Variants in COQ6 observed in about 807,000 individuals in gnomAD.
COQ6 encodes the protein ubiquinone biosynthesis monooxygenase COQ6, mitochondrial.
In COQ6, 45 loss-of-function variants were observed where a neutral mutation model predicts 55.5. The ratio of observed to expected loss-of-function variants is 0.81; its 90% CI spans 0.64 to 1.04. COQ6 has a LOEUF of 1.04. Ranked by LOEUF, COQ6 falls within the 50% of genes least tolerant of loss-of-function variation. COQ6 has a pLI of 0.00. For missense variants in COQ6, 550 were observed against 601.3 expected (o/e 0.91, Z 0.89); for synonymous variants, 206 against 230.5 (o/e 0.89, Z 0.96).
intron 7 of COQ6, 63 bp from the exon 8 acceptor site, chr14:73,959,352 T>A (rs1326545498): frequency 1.2e-6 from 2 of 1,614,190 alleles, no homozygotes; most frequent in East Asian, 2.2e-5. Context: ...TGTCTTTTTA[T>A]GCTTGAGAGT....
intron 11 of COQ6, 39 bp from the exon 12 acceptor site, chr14:73,962,931 C>CTG (rs778303612): frequency 6.6e-7 from 1 of 1,514,136 alleles, no homozygotes; most frequent in Middle Eastern, 1.7e-4. Context: ...CTTCACCTTA[C>CTG]TGTGTTAAGA....
intron 11 of COQ6, chr14:73,962,561 G>GA (rs141459361): frequency 0.4 from 68,671 of 173,074 alleles, 13,369 homozygotes; most frequent in Non-Finnish European, 0.46. Flanking sequence ...CCAGTCTCTT[G>GA]AAAAAAAAAA....
Position 73,953,750 on chromosome 14 carries a change from A to T in COQ6, c.298+181A>T. The stretch of plus-strand genomic sequence containing the variant: ...GAAGATGTGGACCCCTGCAGTTGCT[A>T]CTGCCTCAACTCCCTGTCTGAGGAA... On this transcript the variant is annotated intron_variant, in intron 2 of 11. Coordinates refer to ENST00000334571, the MANE Select transcript of COQ6 (RefSeq NM_182476.3). 6 of 722,170 alleles carry T rather than the reference A, an allele frequency of 8.3e-6. No homozygotes were observed. In the South Asian group the frequency reaches 9.5e-5, roughly 11 times the overall value. 44.7% of individuals were successfully genotyped at this position (722,170 alleles called of 1,614,324 possible).
intron 6 of COQ6, 29 bp from the exon 7 acceptor site, chr14:73,959,133 C>A: frequency 6.2e-7 from 1 of 1,614,216 alleles, no homozygotes; most frequent in Non-Finnish European, 8.5e-7. Flanking sequence ...AGGTACTTCA[C>A]AGAGAAACTT....
chr14:73,959,581 GTT>G (rs759810630), intron 8 of COQ6, 59 bp downstream of exon 8: 28 of 1,403,682 alleles, frequency 2.0e-5, no homozygotes, highest in Admixed American at 9.4e-5. Context: ...GAAAGGTGTT[GTT>G]TTTTTTTTTT....
At chr14:73,961,965 G>GA in intron 11 of COQ6, 62 bp downstream of exon 11, 4 of 1,580,580 alleles carry the variant, frequency 2.5e-6, no homozygotes, top group Non-Finnish European at 3.5e-6. Flanking sequence ...GCTTTTTTTT[G>GA]AAACAGAGTC....
At chr14:73,955,588 C>T in intron 3 of COQ6, 79 bp downstream of exon 3, 1 of 1,431,408 alleles carries the variant, frequency 7.0e-7, no homozygotes, top group Non-Finnish European at 9.9e-7. Context: ...TCCAAGTGTT[C>T]TGTGAATGTA....
chr14:73,951,265 G>A (rs2056179230), intron 1 of COQ6, among the ~76,000 whole-genome samples: 1 of 152,102 alleles, frequency 6.6e-6, no homozygotes, highest in Admixed American at 6.5e-5. Context: ...CAAAGTGCTG[G>A]GATTACCGGC....
At chr14:73,959,916 C>T in intron 8 of COQ6, 1 of 1,175,406 alleles carries the variant, frequency 8.5e-7, no homozygotes, top group South Asian at 1.9e-5. Flanking sequence ...AGTCAGCTGT[C>T]CCTTTCTACT....
At chr14:73,959,658 C>T in intron 8 of COQ6, 136 bp downstream of exon 8, 1 of 1,489,858 alleles carries the variant, frequency 6.7e-7, no homozygotes, top group Non-Finnish European at 9.1e-7. Flanking sequence ...CAATCTCCGC[C>T]TCCCGGGTTC....
chr14:73,958,814 G>A (rs1247724087), intron 5 of COQ6, 157 bp from the exon 6 acceptor site: 2 of 1,526,642 alleles, frequency 1.3e-6, no homozygotes, highest in Non-Finnish European at 1.8e-6. Context: ...GACAGTGCAG[G>A]GGCTCCACCT....
At chr14:73,960,589 A>G in intron 8 of COQ6, 2 of 1,037,054 alleles carry the variant, frequency 1.9e-6, no homozygotes, top group Non-Finnish European at 2.3e-6. Flanking sequence ...TCTGCAGTGC[A>G]GTCATTCACC....
In COQ6 at chr14:73,958,990, A is replaced by G. The variant is rs1319178278; in HGVS notation, c.632A>G (p.Asn211Ser). Residue 211 changes from asparagine to serine, a missense_variant, in exon 6 of 12, where the codon AAC becomes AGC. Coordinates refer to ENST00000334571, the MANE Select transcript of COQ6 (RefSeq NM_182476.3). ...TKLLIGADGHNSGVRQAVGIQ... is the reference protein window; with the variant it reads ...TKLLIGADGHSSGVRQAVGIQ... ...ATGCAGATAGGTGCAGATGGTCACA[A>G]CTCCGGAGTACGGCAGGCTGTTGGA... is the stretch of plus-strand genomic sequence containing the variant. The G allele has an allele frequency of 3.7e-6, 6 of 1,613,816 alleles. No homozygotes were observed. Among genetic ancestry groups the G allele is most frequent in the Non-Finnish European group, 4.2e-6 (5 of 1,180,030 alleles).
intron 8 of COQ6, chr14:73,959,729 C>T: frequency 8.6e-7 from 1 of 1,157,442 alleles, no homozygotes; most frequent in Non-Finnish European, 1.2e-6. Context: ...GCCACCATGC[C>T]CAGCTAATTT....
intron 1 of COQ6, 115 bp downstream of exon 1, chr14:73,950,610 T>C (rs1272892060): frequency 6.3e-6 from 9 of 1,431,980 alleles, no homozygotes; most frequent in African/African-American, 1.4e-5. Flanking sequence ...CTCGCGACGC[T>C]TCTCCCCTCC....
chr14:73,958,305 G>A, intron 5 of COQ6, 28 bp downstream of exon 5: 2 of 1,613,360 alleles, frequency 1.2e-6, no homozygotes, highest in African/African-American at 1.3e-5. Flanking sequence ...TTTTGCTAGG[G>A]GTCTTGTATA....
chr14:73,952,368 C>A (rs1034066074), intron 1 of COQ6, among the ~76,000 whole-genome samples: 1 of 151,962 alleles, frequency 6.6e-6, no homozygotes, highest in African/African-American at 2.4e-5. Context: ...ACTGATCCAT[C>A]ACCTCAGTCT....
At position 73,952,570 on chromosome 14, in the gene COQ6, G is replaced by A. The variant is rs2056245436; in HGVS notation, c.164-865G>A. On this transcript the variant is annotated intron_variant, in intron 1 of 11. Transcript: ENST00000334571. Reference sequence around the variant, plus strand: ...TTTTTTTTTGTAGAGACAGGGTCTCGCCATGTTGCCCAGGCTGGTCTTGAA... The same window carrying A: ...TTTTTTTTTGTAGAGACAGGGTCTCACCATGTTGCCCAGGCTGGTCTTGAA... Among the ~76,000 whole-genome samples, 3 of 151,612 alleles carry A rather than the reference G, an allele frequency of 2.0e-5. 1 individual carries two copies. The South Asian group carries it at 6.3e-4, about 32-fold the overall frequency.
chr14:73,961,394 AG>A lies in COQ6; in HGVS notation c.1094+22del, dbSNP rs780972938. 1.4e-5 allele frequency: 22 copies of A among 1,614,050 alleles called. No homozygotes were observed. In the South Asian group the frequency reaches 2.2e-4, roughly 16 times the overall value. The stretch of plus-strand genomic sequence containing the variant: ...TCATTGGGTAAGACGATAACAGAGC[AG>A]GGCCACTCCCTTCTCACTTTGCTGC... On this transcript the variant is annotated intron_variant, in intron 9 of 11. Coordinates refer to ENST00000334571, the MANE Select transcript of COQ6 (RefSeq NM_182476.3).
Sources: gnomAD v4.1 joint callset for allele counts (sites outside exome capture counted in the v4.1 genomes callset) on GRCh38, gnomAD v4.1.1 for gene constraint, MANE v1.5 for transcripts, NCBI Gene and HGNC (gene_info 2026-07-23, HGNC 2026-07-21) for gene names.